Variants in MAPKAP1 observed in about 807,000 individuals in gnomAD.
MAPKAP1 encodes the protein MAPK associated protein 1.
Under a neutral mutation model 65.7 loss-of-function variants are expected in MAPKAP1, and 20 were observed. The observed-to-expected ratio is 0.30, with a 90% CI of 0.21 to 0.44. The LOEUF (loss-of-function observed/expected upper bound fraction) is 0.44. Ranked by LOEUF, MAPKAP1 falls within the 20% of genes least tolerant of loss-of-function variation. The pLI, the probability that MAPKAP1 is intolerant of heterozygous loss-of-function variation, is 1.00. For missense variants in MAPKAP1, 423 were observed against 648.0 expected (o/e 0.65, Z 3.77); for synonymous variants, 222 against 244.3 (o/e 0.91, Z 0.85).
chr9:125,516,959 T>C (rs1331606819), intron 7 of MAPKAP1, among the ~76,000 whole-genome samples: 1 of 152,262 alleles, frequency 6.6e-6, no homozygotes, highest in African/African-American at 2.4e-5. Flanking sequence ...AGGACTTTCC[T>C]GGCCCTTAAC....
intron 6 of MAPKAP1, among the ~76,000 whole-genome samples, chr9:125,545,148 G>A (rs1008240198): frequency 6.6e-6 from 1 of 152,040 alleles, no homozygotes; most frequent in African/African-American, 2.4e-5. Context: ...CCTGAGTCCC[G>A]GCCATTCTTT....
At chr9:125,683,382 AT>A (rs1834880532) in intron 1 of MAPKAP1, among the ~76,000 whole-genome samples, 1 of 152,186 alleles carries the variant, frequency 6.6e-6, no homozygotes, top group South Asian at 2.1e-4. Flanking sequence ...ACTTTCCATT[AT>A]ATAAGACTCC....
intron 7 of MAPKAP1, 98 bp from the exon 8 acceptor site, chr9:125,506,515 TAGTA>T: frequency 1.0e-6 from 1 of 999,320 alleles, no homozygotes; most frequent in Non-Finnish European, 1.6e-6. Flanking sequence ...GATAAAGCCT[TAGTA>T]AAGTGTTAAA....
chr9:125,507,075 G>T (rs959801535), intron 7 of MAPKAP1, among the ~76,000 whole-genome samples: 1 of 152,160 alleles, frequency 6.6e-6, no homozygotes, highest in Non-Finnish European at 1.5e-5. Flanking sequence ...TCACATTTTT[G>T]TTGAAACATT....
chr9:125,535,493 T>G lies in MAPKAP1; in HGVS notation c.958+7566A>C, dbSNP rs1830047582. ...CAGCATGGCACAGAGCAGGCAGCAT[T>G]TGATGACAGATGAACTAAACAGGGC... is the stretch of plus-strand genomic sequence containing the variant. On this transcript the variant is annotated intron_variant, in intron 7 of 11. Transcript: ENST00000265960. Among the ~76,000 whole-genome samples the G allele has an allele frequency of 3.9e-5, 6 of 152,136 alleles. No individual in the cohort carries two copies. In the South Asian group the frequency reaches 1.2e-3, roughly 32 times the overall value.
rs527539215 is a variant in MAPKAP1 at position 125,521,562 on chromosome 9, T to C, written c.959-15145A>G. The C allele has an allele frequency of 3.6e-6, 5 of 1,391,984 alleles. No individual in the cohort carries two copies. The African/African-American group carries it at 5.9e-5, about 17-fold the overall frequency. The allele number at this position is 1,391,984 out of a possible 1,614,324, so 86.2% of individuals were successfully genotyped here. ...GCATTCAAATAAATGCCAAAACTGG[T>C]TGATGGGGATCCAGGGTGCTAAATC... On this transcript the variant is annotated intron_variant, in intron 7 of 11. Transcript: ENST00000265960.
At chr9:125,482,842 C>G (rs899318399) in intron 9 of MAPKAP1, among the ~76,000 whole-genome samples, 4 of 152,136 alleles carry the variant, frequency 2.6e-5, no homozygotes, top group Non-Finnish European at 4.4e-5. Flanking sequence ...TCTGATCAGC[C>G]TGCTAGAATC....
chr9:125,670,979 A>G (rs909153222), intron 2 of MAPKAP1, among the ~76,000 whole-genome samples: 1 of 147,946 alleles, frequency 6.8e-6, no homozygotes, highest in Non-Finnish European at 1.5e-5. Flanking sequence ...TGCTGGGAAG[A>G]GCATTCTGAC....
At chr9:125,627,942 C>T (rs1833160815) in intron 4 of MAPKAP1, among the ~76,000 whole-genome samples, 1 of 152,102 alleles carries the variant, frequency 6.6e-6, no homozygotes, top group South Asian at 2.1e-4. Flanking sequence ...AAGCATCCTG[C>T]CTTGTACCAT....
At chr9:125,519,435 A>G (rs1177954725) in intron 7 of MAPKAP1, among the ~76,000 whole-genome samples, 1 of 151,992 alleles carries the variant, frequency 6.6e-6, no homozygotes, top group Non-Finnish European at 1.5e-5. Context: ...CCAGTTCAAG[A>G]ACAGCCTGAG....
chr9:125,647,937 T>A (rs890579201), intron 4 of MAPKAP1, among the ~76,000 whole-genome samples: 20 of 136,644 alleles, frequency 1.5e-4, no homozygotes, highest in African/African-American at 5.0e-4. Flanking sequence ...CCAATATCTT[T>A]TTTTTTTTTT....
intron 4 of MAPKAP1, among the ~76,000 whole-genome samples, chr9:125,606,794 C>T (rs1473515195): frequency 1.3e-5 from 2 of 152,176 alleles, no homozygotes; most frequent in African/African-American, 4.8e-5. Context: ...TATGTTCACC[C>T]TACTGAAGAA....
At chr9:125,602,323 C>G (rs146258794) in intron 4 of MAPKAP1, among the ~76,000 whole-genome samples, 83 of 152,242 alleles carry the variant, frequency 5.5e-4, no homozygotes, top group East Asian at 5.0e-3. Flanking sequence ...TCTAGAACAG[C>G]GCTTCCTGTT....
At chr9:125,579,890 G>C (rs182183664) in intron 5 of MAPKAP1, among the ~76,000 whole-genome samples, 2 of 152,270 alleles carry the variant, frequency 1.3e-5, no homozygotes, top group Non-Finnish European at 2.9e-5. Context: ...AATTTCAAAA[G>C]ACCATGGTTT....
At chr9:125,487,355 A>G (rs534573335) in intron 8 of MAPKAP1, among the ~76,000 whole-genome samples, 61 of 152,370 alleles carry the variant, frequency 4.0e-4, no homozygotes, top group African/African-American at 1.4e-3. Context: ...TTACTGAAAC[A>G]TAACTGCCAA....
At chr9:125,591,134 C>T (rs1831948973) in intron 4 of MAPKAP1, among the ~76,000 whole-genome samples, 1 of 152,202 alleles carries the variant, frequency 6.6e-6, no homozygotes, top group Non-Finnish European at 1.5e-5. Flanking sequence ...ATCTGCTCAA[C>T]ACCCAATAAC....
At chr9:125,476,062 G>T (rs187754932) in intron 9 of MAPKAP1, among the ~76,000 whole-genome samples, 8 of 152,260 alleles carry the variant, frequency 5.3e-5, no homozygotes, top group Non-Finnish European at 1.2e-4. Context: ...ATAACCCTGG[G>T]TTACTCCATA....
At chr9:125,666,793 C>T (rs1834351774) in intron 3 of MAPKAP1, among the ~76,000 whole-genome samples, 1 of 152,172 alleles carries the variant, frequency 6.6e-6, no homozygotes, top group Non-Finnish European at 1.5e-5. Flanking sequence ...CTGCTGATTC[C>T]ACTTTTCTAG....
intron 6 of MAPKAP1, among the ~76,000 whole-genome samples, chr9:125,554,966 A>G (rs554738471): frequency 2.3e-4 from 35 of 152,328 alleles, no homozygotes; most frequent in Middle Eastern, 6.8e-3. Context: ...GAAAATCAAA[A>G]GACTCAAGTT....
Sources: allele counts gnomAD v4.1 joint callset (sites outside exome capture counted in the v4.1 genomes callset), GRCh38; gene constraint gnomAD v4.1.1; transcripts MANE v1.5; gene names NCBI Gene and HGNC (gene_info 2026-07-23, HGNC 2026-07-21).